The following ARB2A variants were observed in gnomAD, a reference collection of about 807,000 sequenced individuals.
The protein encoded by ARB2A is ARB2 cotranscriptional regulator A.
chr5:93,997,720 G>A, the ARB2A span, among the ~76,000 whole-genome samples: 1 of 152,036 alleles, frequency 6.6e-6, no homozygotes, highest in South Asian at 2.1e-4. Context: ...CTCTGCCTCA[G>A]ATTACTTCCT....
the ARB2A span, among the ~76,000 whole-genome samples, chr5:93,687,229 CA>C: frequency 6.6e-6 from 1 of 152,064 alleles, no homozygotes; most frequent in Non-Finnish European, 1.5e-5. Flanking sequence ...CAAATAAATA[CA>C]AATTTAATTG....
the ARB2A span, among the ~76,000 whole-genome samples, chr5:93,857,415 C>T: frequency 6.6e-6 from 1 of 152,182 alleles, no homozygotes; most frequent in Non-Finnish European, 1.5e-5. Flanking sequence ...AGGCAGGCCT[C>T]CTTGTGCTGT....
chr5:93,651,100 A>C, the ARB2A span, among the ~76,000 whole-genome samples: 1 of 152,242 alleles, frequency 6.6e-6, no homozygotes, highest in African/African-American at 2.4e-5. Flanking sequence ...GAGGCCAGAA[A>C]ACAATGAAAT....
chr5:93,623,898 C>T, the ARB2A span, among the ~76,000 whole-genome samples: 1 of 152,008 alleles, frequency 6.6e-6, no homozygotes, highest in Admixed American at 6.5e-5. Context: ...TTTAGAATAC[C>T]ATTCAGAAGT....
At chr5:93,987,522 T>TC in the ARB2A span, among the ~76,000 whole-genome samples, 1 of 152,134 alleles carries the variant, frequency 6.6e-6, no homozygotes, top group Admixed American at 6.5e-5. Context: ...CCATCTCAAC[T>TC]CCATTTTTCC....
the ARB2A span, among the ~76,000 whole-genome samples, chr5:93,860,226 G>A: frequency 1.3e-5 from 2 of 152,288 alleles, no homozygotes; most frequent in East Asian, 1.9e-4. Context: ...CCAGGAGGCG[G>A]AGCTTGCAGT....
chr5:94,052,285 C>T, the ARB2A span, among the ~76,000 whole-genome samples: 818 of 152,240 alleles, frequency 5.4e-3, 6 homozygotes, highest in African/African-American at 0.019. Flanking sequence ...CTCCACGCAA[C>T]AAATATTACT....
the ARB2A span, among the ~76,000 whole-genome samples, chr5:93,621,634 G>A: frequency 6.6e-6 from 1 of 152,222 alleles, no homozygotes; most frequent in South Asian, 2.1e-4. Flanking sequence ...ATCGCACAGC[G>A]CCTGTTTCCT....
At chr5:94,101,285 T>C in the ARB2A span, among the ~76,000 whole-genome samples, 1 of 152,100 alleles carries the variant, frequency 6.6e-6, no homozygotes, top group Non-Finnish European at 1.5e-5. Context: ...TGGCTATTAT[T>C]AAAAAGTCAA....
At chr5:93,948,306 GTCT>G in the ARB2A span, among the ~76,000 whole-genome samples, 1 of 152,152 alleles carries the variant, frequency 6.6e-6, no homozygotes, top group Non-Finnish European at 1.5e-5. Flanking sequence ...CTGCATAAAT[GTCT>G]TCTTTTGAGA....
At chr5:93,783,003 G>C in the ARB2A span, among the ~76,000 whole-genome samples, 1 of 152,106 alleles carries the variant, frequency 6.6e-6, no homozygotes, top group Non-Finnish European at 1.5e-5. Context: ...CAATTAGATG[G>C]AAGCTACACA....
At chr5:94,073,592 A>C in the ARB2A span, among the ~76,000 whole-genome samples, 2 of 152,096 alleles carry the variant, frequency 1.3e-5, no homozygotes, top group African/African-American at 2.4e-5. Flanking sequence ...ACAACTTGGG[A>C]GATCAAATTT....
the ARB2A span, among the ~76,000 whole-genome samples, chr5:93,643,410 A>G: frequency 6.6e-6 from 1 of 152,218 alleles, no homozygotes; most frequent in Non-Finnish European, 1.5e-5. Flanking sequence ...ATTTGATGGC[A>G]TGTATGTAAA....
At chr5:94,067,359 C>T in the ARB2A span, among the ~76,000 whole-genome samples, 1 of 151,996 alleles carries the variant, frequency 6.6e-6, no homozygotes, top group Non-Finnish European at 1.5e-5. Flanking sequence ...GGCAAGAGAA[C>T]AAAATAAAAA....
chr5:93,935,341 T>G, the ARB2A span, among the ~76,000 whole-genome samples: 1 of 152,126 alleles, frequency 6.6e-6, no homozygotes, highest in East Asian at 1.9e-4. Flanking sequence ...GATGAGATGG[T>G]ATCTAAGCAT....
the ARB2A span, among the ~76,000 whole-genome samples, chr5:93,796,132 A>G: frequency 8.4e-4 from 128 of 152,270 alleles, no homozygotes; most frequent in Non-Finnish European, 1.1e-3. Flanking sequence ...AAAAGTAACA[A>G]GACGGCTTTT....
At chr5:94,061,099 A>T in the ARB2A span, among the ~76,000 whole-genome samples, 1 of 152,012 alleles carries the variant, frequency 6.6e-6, no homozygotes, top group Non-Finnish European at 1.5e-5. Context: ...TTAGCCGGGC[A>T]TGGTGGCGGG....
chr5:93,698,742 C>A, the ARB2A span, among the ~76,000 whole-genome samples: 1 of 152,192 alleles, frequency 6.6e-6, no homozygotes, highest in Admixed American at 6.5e-5. Context: ...AACATTCATC[C>A]AATAAATATT....
the ARB2A span, among the ~76,000 whole-genome samples, chr5:93,995,287 C>T: frequency 6.6e-6 from 1 of 152,160 alleles, no homozygotes; most frequent in South Asian, 2.1e-4. Flanking sequence ...CTACAGTAAA[C>T]TTCGTATCAC....
Sources: allele counts gnomAD v4.1 joint callset (sites outside exome capture counted in the v4.1 genomes callset), GRCh38; gene constraint gnomAD v4.1.1; transcripts MANE v1.5; gene names NCBI Gene and HGNC (gene_info 2026-07-23, HGNC 2026-07-21).